The following SMG1 variants were observed in gnomAD, a reference collection of about 807,000 sequenced individuals.
The protein encoded by SMG1 is SMG1 nonsense mediated mRNA decay associated PI3K related kinase, also known as serine/threonine-protein kinase SMG1.
SMG1 carries 22 observed loss-of-function variants against 419.9 expected under a neutral mutation model. The ratio of observed to expected loss-of-function variants is 0.05; its 90% CI spans 0.04 to 0.07. SMG1 has a LOEUF of 0.07. SMG1 is among the 10% of genes least tolerant of loss of function. The probability of loss-of-function intolerance (pLI) is 1.00; values close to 1 mark genes in which losing one functional copy is unlikely to be tolerated. For missense variants in SMG1, 3,185 were observed against 4,342.0 expected, an observed-to-expected ratio of 0.73 and a Z score of 7.49; for synonymous variants, 1,538 against 1,553.5, an observed-to-expected ratio of 0.99 and a Z score of 0.23.
intron 13 of SMG1, 50 bp from the exon 14 acceptor site, chr16:18,872,674 C>T (rs938033109): frequency 2.6e-5 from 34 of 1,283,404 alleles, no homozygotes; most frequent in Non-Finnish European, 3.6e-5. Context: ...AAAATAAGCA[C>T]AAGCATACAG....
intron 29 of SMG1, chr16:18,856,586 C>CG (rs1567376256): frequency 6.6e-6 from 1 of 152,086 alleles, no homozygotes; most frequent in Non-Finnish European, 1.5e-5. Flanking sequence ...ATCCACCCCC[C>CG]GTCAGCATCT....
intron 1 of SMG1, among the ~76,000 whole-genome samples, chr16:18,920,844 A>G (rs2038169173): frequency 6.6e-6 from 1 of 151,670 alleles, no homozygotes; most frequent in East Asian, 1.9e-4. Flanking sequence ...TGTTTCAGAA[A>G]AAGAGAGAGG....
chr16:18,839,417 C>T (rs1022194966), intron 42 of SMG1, among the ~76,000 whole-genome samples: 1 of 152,112 alleles, frequency 6.6e-6, no homozygotes, highest in Non-Finnish European at 1.5e-5. Flanking sequence ...ATGTTTAGCT[C>T]CCACTTATAA....
intron 1 of SMG1, among the ~76,000 whole-genome samples, chr16:18,918,194 C>T (rs2038052173): frequency 2.6e-5 from 4 of 152,026 alleles, no homozygotes; most frequent in South Asian, 4.2e-4. Flanking sequence ...ACCCGGGAGG[C>T]GGAGGTTGCA....
intron 57 of SMG1, 31 bp downstream of exon 57, chr16:18,817,260 T>C: frequency 6.3e-7 from 1 of 1,575,498 alleles, no homozygotes; most frequent in Non-Finnish European, 8.6e-7. Flanking sequence ...ACTAGCCTTA[T>C]TTAATCAAGT....
At chr16:18,897,728 A>G (rs546162101) in intron 1 of SMG1, among the ~76,000 whole-genome samples, 2 of 152,228 alleles carry the variant, frequency 1.3e-5, no homozygotes, top group African/African-American at 2.4e-5. Flanking sequence ...CGCTTCAACT[A>G]CCTCATAAGT....
chr16:18,917,011 G>C (rs1457685487), intron 1 of SMG1, among the ~76,000 whole-genome samples: 3 of 152,010 alleles, frequency 2.0e-5, no homozygotes, highest in African/African-American at 7.2e-5. Flanking sequence ...CCATACATGT[G>C]TCTAACATGA....
intron 1 of SMG1, 62 bp downstream of exon 1, chr16:18,925,888 G>A: frequency 7.5e-7 from 1 of 1,333,860 alleles, no homozygotes; most frequent in Non-Finnish European, 1.0e-6. Context: ...GCGGCCCTAG[G>A]CCTCGGCCCG....
chr16:18,854,954 T>C (rs751128383), intron 29 of SMG1, 50 bp from the exon 30 acceptor site: 8 of 1,558,266 alleles, frequency 5.1e-6, no homozygotes, highest in Non-Finnish European at 6.9e-6. Context: ...TAAACCAGAC[T>C]GCATGGAAAC....
chr16:18,851,063 C>A (rs1242917640), intron 33 of SMG1, among the ~76,000 whole-genome samples: 1 of 151,532 alleles, frequency 6.6e-6, no homozygotes, highest in Non-Finnish European at 1.5e-5. Flanking sequence ...CCTATGCCTG[C>A]AAAAAAAATA....
intron 13 of SMG1, chr16:18,875,678 T>C (rs2036089403): frequency 5.7e-6 from 1 of 174,862 alleles, no homozygotes; most frequent in African/African-American, 2.4e-5. Context: ...TCAACCTGTA[T>C]GAATGTTCCT....
At chr16:18,843,578 G>C (rs2141315764) in intron 39 of SMG1, among the ~76,000 whole-genome samples, 1 of 152,214 alleles carries the variant, frequency 6.6e-6, no homozygotes, top group African/African-American at 2.4e-5. Context: ...AATGACAAAA[G>C]AATAAATTGT....
intron 1 of SMG1, among the ~76,000 whole-genome samples, chr16:18,903,340 GAAGA>G (rs1302472824): frequency 2.6e-5 from 4 of 152,146 alleles, no homozygotes; most frequent in Admixed American, 6.5e-5. Context: ...GAGAAAAGCT[GAAGA>G]AAGTACCCCC....
Position 18,882,290 on chromosome 16 carries a change from G to C in SMG1, c.1168C>G (p.Pro390Ala), listed in dbSNP as rs768863969. 1 of 1,609,928 alleles carries C rather than the reference G, an allele frequency of 6.2e-7. No individual in the cohort carries two copies. The highest frequency in any genetic ancestry group is 8.5e-7 in the Non-Finnish European group (1 of 1,178,808). ...AGCTTTGGTAATGACACTGATGGAG[G>C]AGGGACATCTTCATCCACTGATTCC... ...SGESVDEDVP[P>A]PSVSLPKLAA... The change falls in exon 10 of 63, where the codon CCT becomes GCT. Residue 390 changes from proline (P) to alanine (A), a missense_variant. Pro to Ala is a conservative substitution (Grantham distance 27). Coordinates refer to ENST00000446231, the MANE Select transcript of SMG1 (RefSeq NM_015092.5).
At chr16:18,816,648 C>T (rs986887537) in intron 57 of SMG1, 119 bp from the exon 58 acceptor site, 10 of 740,056 alleles carry the variant, frequency 1.4e-5, no homozygotes, top group Non-Finnish European at 2.0e-5. Flanking sequence ...ACCTCCATTG[C>T]TAAGTCATGA....
chr16:18,886,388 ATTAT>A (rs1449901135), intron 6 of SMG1, among the ~76,000 whole-genome samples: 1 of 152,260 alleles, frequency 6.6e-6, no homozygotes, highest in African/African-American at 2.4e-5. Context: ...ATAATAAATC[ATTAT>A]TTGTCATTCC....
Position 18,854,782 on chromosome 16 carries a change from G to A in SMG1, c.4357C>T (p.Leu1453=), listed in dbSNP as rs760700431. 5 of 1,613,896 alleles carry A rather than the reference G, an allele frequency of 3.1e-6. No individual in the cohort carries two copies. In the East Asian group the frequency reaches 6.7e-5, roughly 22 times the overall value. ...RLLAQCSEVQ[L]GKTTTAQDLV... is the part of the protein sequence containing the mutation. ...TCCTGTGCAGTGGTGGTCTTTCCCAGCTGAACTTCACTGCACTGTGCCAGC... is the reference window on the plus strand; with the variant it reads ...TCCTGTGCAGTGGTGGTCTTTCCCAACTGAACTTCACTGCACTGTGCCAGC... The change falls in exon 30 of 63, where the codon CTG becomes TTG. Residue 1453 remains leucine, a synonymous_variant. Coordinates refer to ENST00000446231, the MANE Select transcript of SMG1 (RefSeq NM_015092.5).
intron 22 of SMG1, among the ~76,000 whole-genome samples, 156 bp from the exon 23 acceptor site, chr16:18,866,931 T>G (rs2035543248): frequency 6.6e-6 from 1 of 152,162 alleles, no homozygotes; most frequent in African/African-American, 2.4e-5. Context: ...TTCTTTAAAA[T>G]GTTACATATA....
rs112260586 is a variant in SMG1, at chr16:18,841,946, T to C, written c.6467-152A>G. Among the ~76,000 whole-genome samples the C allele has an allele frequency of 2.6e-3, 393 of 152,322 alleles. 2 individuals are homozygous for C. The highest frequency in any genetic ancestry group is 4.6e-3 in the Non-Finnish European group (311 of 68,022). ...AAGAATTCTATTTTGGGACAAGATA[T>C]TGGCAGTAGATATTAGCATTATTAG... On this transcript the variant is annotated intron_variant, in intron 40 of 62. Coordinates refer to ENST00000446231, the MANE Select transcript of SMG1 (RefSeq NM_015092.5).
Sources: allele counts gnomAD v4.1 joint callset (sites outside exome capture counted in the v4.1 genomes callset), GRCh38; gene constraint gnomAD v4.1.1; transcripts MANE v1.5; gene names NCBI Gene and HGNC (gene_info 2026-07-23, HGNC 2026-07-21).